The following SNX5 variants were observed in gnomAD, a reference collection of about 807,000 sequenced individuals.
SNX5 encodes the protein sorting nexin-5.
SNX5 carries 31 observed loss-of-function variants against 53.9 expected under a neutral mutation model. The observed-to-expected ratio is 0.58, with a 90% CI of 0.43 to 0.78. The LOEUF (loss-of-function observed/expected upper bound fraction) is 0.78, where lower values mean the gene tolerates loss of function less well. SNX5 is among the 30% of genes least tolerant of loss of function. The pLI is 0.00. For synonymous variants in SNX5, 168 were observed against 171.1 expected, an observed-to-expected ratio of 0.98 and a Z score of 0.14; for missense variants, 471 against 478.8, an observed-to-expected ratio of 0.98 and a Z score of 0.15.
chr20:17,963,886 T>C (rs2035496484), intron 1 of SNX5, among the ~76,000 whole-genome samples: 1 of 136,064 alleles, frequency 7.3e-6, no homozygotes, highest in Admixed American at 7.4e-5. Flanking sequence ...GGCTGCCCGC[T>C]TTTTGGTTGG....
At chr20:17,947,453 T>A in intron 11 of SNX5, 33 bp downstream of exon 11, 1 of 1,596,942 alleles carries the variant, frequency 6.3e-7, no homozygotes, top group Non-Finnish European at 8.5e-7. Flanking sequence ...TATTTTCAAA[T>A]TACAGTACAG....
chr20:17,968,015 T>C (rs1024314947), intron 1 of SNX5: 3 of 398,180 alleles, frequency 7.5e-6, no homozygotes, highest in South Asian at 2.6e-4. Flanking sequence ...GTCTGTCGCA[T>C]GTTAAGTCAA....
intron 1 of SNX5, among the ~76,000 whole-genome samples, chr20:17,964,526 G>C (rs2035507309): frequency 6.6e-6 from 1 of 151,954 alleles, no homozygotes; most frequent in African/African-American, 2.4e-5. Context: ...AGGAGATCTT[G>C]TCAGAGTACC....
At chr20:17,966,013 C>A (rs1339527280) in intron 1 of SNX5, among the ~76,000 whole-genome samples, 1 of 152,044 alleles carries the variant, frequency 6.6e-6, no homozygotes, top group African/African-American at 2.4e-5. Context: ...CAGTTAAACA[C>A]GAAACCAGAG....
intron 2 of SNX5, 39 bp from the exon 3 acceptor site, chr20:17,955,514 T>C: frequency 7.1e-7 from 1 of 1,410,366 alleles, no homozygotes; most frequent in Non-Finnish European, 1.0e-6. Context: ...AACCACGACT[T>C]TTAGATAAGT....
Position 17,952,612 on chromosome 20 carries a change from T to G in SNX5, c.488A>C (p.His163Pro), listed in dbSNP as rs752213767. 6 of 1,613,774 alleles carry G rather than the reference T, an allele frequency of 3.7e-6. No homozygotes were observed. The South Asian group carries it at 6.6e-5, about 18-fold the overall frequency. The change falls in exon 5 of 13, where the codon CAT becomes CCT. Residue 163 changes from histidine (H) to proline (P), a missense_variant. By Grantham distance (77) the His-to-Pro change is moderately conservative (BLOSUM62 -2). Coordinates refer to ENST00000377759, the MANE Select transcript of SNX5 (RefSeq NM_014426.4). ...ATCCTGATCATATTCCAGGAAAACA[T>G]GAAAGTTGCGATCTTTACTGAGAAC... ...HPVLSKDRNF[H>P]VFLEYDQDLS...
Position 17,961,897 on chromosome 20 carries a change from T to TC in SNX5, c.52-4861dup, listed in dbSNP as rs112882464. The TC allele has an allele frequency of 1.2e-3, 1,161 of 985,342 alleles. 7 individuals are homozygous for TC. In the African/African-American group the frequency reaches 0.019, roughly 16 times the overall value. The allele number at this position is 985,342 out of a possible 1,614,324, so 61.0% of individuals were successfully genotyped here. A position where few individuals can be genotyped will look rare whatever the true frequency, so the allele number is the denominator to read the frequency against. On this transcript the variant is annotated intron_variant, in intron 1 of 12. Transcript: ENST00000377759. The stretch of plus-strand genomic sequence containing the variant: ...GGAAAGATATCCACACCTTGCCTAG[T>TC]CCAATATTTGTTAAGTGAGAATATA...
chr20:17,946,992 G>A (rs1391597870), intron 11 of SNX5, among the ~76,000 whole-genome samples: 1 of 152,102 alleles, frequency 6.6e-6, no homozygotes, highest in Non-Finnish European at 1.5e-5. Flanking sequence ...CAGAAATACA[G>A]GATTTGTAAA....
intron 8 of SNX5, 135 bp from the exon 9 acceptor site, chr20:17,949,238 GCT>G (rs1330458661): frequency 2.8e-6 from 2 of 710,520 alleles, no homozygotes; most frequent in African/African-American, 3.6e-5. Flanking sequence ...TAAAAGTAGT[GCT>G]CTCACTTCAA....
At chr20:17,956,757 C>A (rs575554094) in intron 2 of SNX5, among the ~76,000 whole-genome samples, 176 bp downstream of exon 2, 8 of 151,214 alleles carry the variant, frequency 5.3e-5, no homozygotes, top group Non-Finnish European at 7.4e-5. Context: ...ATGCTGCTGC[C>A]GCCACAATGG....
At chr20:17,949,435 T>C (rs1359175524) in intron 8 of SNX5, among the ~76,000 whole-genome samples, 1 of 152,222 alleles carries the variant, frequency 6.6e-6, no homozygotes, top group Non-Finnish European at 1.5e-5. Flanking sequence ...GCAGTAAATA[T>C]GCTATTTAAT....
chr20:17,954,654 A>C (rs2035323608), intron 3 of SNX5, among the ~76,000 whole-genome samples: 1 of 152,174 alleles, frequency 6.6e-6, no homozygotes, highest in Non-Finnish European at 1.5e-5. Context: ...AAAATCAGTT[A>C]AGTCTGTTCC....
intron 2 of SNX5, among the ~76,000 whole-genome samples, chr20:17,956,671 T>A (rs1287779419): frequency 3.5e-5 from 2 of 56,598 alleles, no homozygotes; most frequent in Non-Finnish European, 5.9e-5. Context: ...TGAGACTGTC[T>A]CCAAAAAAAA....
chr20:17,946,938 G>A (rs915937073), intron 11 of SNX5, among the ~76,000 whole-genome samples: 1 of 152,162 alleles, frequency 6.6e-6, no homozygotes, highest in Non-Finnish European at 1.5e-5. Context: ...TATTCTGCCA[G>A]GAGCCCATAA....
At chr20:17,967,880 G>C in intron 1 of SNX5, 1 of 396,576 alleles carries the variant, frequency 2.5e-6, no homozygotes. Flanking sequence ...CGTTTCTAAA[G>C]TTGTAAGCAG....
chr20:17,956,079 A>T (rs2035350893), intron 2 of SNX5, among the ~76,000 whole-genome samples: 1 of 151,902 alleles, frequency 6.6e-6, no homozygotes, highest in Non-Finnish European at 1.5e-5. Context: ...ACCCAGCCCC[A>T]AATTCTATTT....
chr20:17,955,273 A>C (rs2035333852), intron 3 of SNX5, 92 bp downstream of exon 3: 3 of 836,144 alleles, frequency 3.6e-6, no homozygotes, highest in Non-Finnish European at 5.7e-6. Flanking sequence ...AACTTTTCAC[A>C]ATCCATTAAA....
intron 11 of SNX5, among the ~76,000 whole-genome samples, chr20:17,946,802 G>A (rs1303306230): frequency 6.6e-6 from 1 of 152,168 alleles, no homozygotes; most frequent in Non-Finnish European, 1.5e-5. Flanking sequence ...GGTTAAAATA[G>A]TAACTACACA....
intron 1 of SNX5, among the ~76,000 whole-genome samples, chr20:17,962,452 C>T (rs900114074): frequency 2.6e-5 from 4 of 152,060 alleles, no homozygotes; most frequent in African/African-American, 9.7e-5. Context: ...ATCTGCCCGC[C>T]TCAGCCTCCC....
Sources: gnomAD v4.1 joint callset for allele counts (sites outside exome capture counted in the v4.1 genomes callset) on GRCh38, gnomAD v4.1.1 for gene constraint, MANE v1.5 for transcripts, NCBI Gene and HGNC (gene_info 2026-07-23, HGNC 2026-07-21) for gene names.